Variants in NALCN observed in about 807,000 individuals in gnomAD.
NALCN encodes sodium leak channel, non-selective.
A neutral mutation model predicts 225.3 loss-of-function variants in NALCN; 111 were observed. The ratio of observed to expected loss-of-function variants is 0.49; its 90% CI spans 0.42 to 0.58. NALCN has a LOEUF of 0.58. NALCN is among the 20% of genes least tolerant of loss of function. NALCN has a pLI of 0.00. For synonymous variants in NALCN, 764 were observed against 769.0 expected, an observed-to-expected ratio of 0.99 and a Z score of 0.11; for missense variants, 1,378 against 2,202.4, an observed-to-expected ratio of 0.63 and a Z score of 7.49.
At chr13:101,254,370 CAAAA>C (rs66465051) in intron 11 of NALCN, among the ~76,000 whole-genome samples, 1 of 68,060 alleles carries the variant, frequency 1.5e-5, no homozygotes, top group Non-Finnish European at 2.5e-5. Context: ...GGGACTGTCT[CAAAA>C]AAAAAAAAAA....
chr13:101,074,676 G>A lies in NALCN; in HGVS notation c.3955-14C>T. The A allele has an allele frequency of 6.3e-6, 10 of 1,597,512 alleles. No homozygotes were observed. In the South Asian group the frequency reaches 9.1e-5, roughly 15 times the overall value. ...CTTTAGCGTTACCTGGGGACCAGGG[G>A]TGGGAAGCGGGGAGACAGAGAGAGA... On this transcript the variant is annotated splice_polypyrimidine_tract_variant and intron_variant, in intron 35 of 43. Coordinates refer to ENST00000251127, the MANE Select transcript of NALCN (RefSeq NM_052867.4).
chr13:101,240,594 T>C (rs1165305273), intron 11 of NALCN, among the ~76,000 whole-genome samples: 1 of 152,078 alleles, frequency 6.6e-6, no homozygotes, highest in African/African-American at 2.4e-5. Flanking sequence ...TATGAATGCA[T>C]TAGTTATAAA....
At chr13:101,255,681 T>C (rs1415433188) in intron 11 of NALCN, among the ~76,000 whole-genome samples, 1 of 152,194 alleles carries the variant, frequency 6.6e-6, no homozygotes, top group Non-Finnish European at 1.5e-5. Flanking sequence ...CCTCAGAGCC[T>C]TGAACTAATC....
At chr13:101,098,749 C>T (rs752373139) in intron 27 of NALCN, among the ~76,000 whole-genome samples, 1 of 152,048 alleles carries the variant, frequency 6.6e-6, no homozygotes. Flanking sequence ...GAACTTCAGC[C>T]GACGTCACCT....
At chr13:101,327,182 T>C (rs943661391) in intron 7 of NALCN, among the ~76,000 whole-genome samples, 2 of 152,126 alleles carry the variant, frequency 1.3e-5, no homozygotes, top group Non-Finnish European at 2.9e-5. Flanking sequence ...AATAATCCAC[T>C]AGAGAAAGTA....
chr13:101,211,826 A>G (rs1254942240), intron 13 of NALCN, among the ~76,000 whole-genome samples: 1 of 152,018 alleles, frequency 6.6e-6, no homozygotes, highest in Non-Finnish European at 1.5e-5. Flanking sequence ...AAAAAAATAT[A>G]AAATATCTCC....
chr13:101,082,681 A>G (rs1423114121), intron 33 of NALCN, 128 bp downstream of exon 33: 1 of 939,192 alleles, frequency 1.1e-6, no homozygotes, highest in Non-Finnish European at 1.7e-6. Context: ...TAAGTAGGAA[A>G]TATCCTAAGG....
At chr13:101,393,581 C>T (rs2047203041) in intron 3 of NALCN, among the ~76,000 whole-genome samples, 4 of 152,132 alleles carry the variant, frequency 2.6e-5, no homozygotes, top group Non-Finnish European at 5.9e-5. Flanking sequence ...AAGTGGGAGG[C>T]CGAGGCGGGC....
rs561259924 is a variant in NALCN, at chr13:101,355,695, G to A, written c.645-10275C>T. On this transcript the variant is annotated intron_variant, in intron 6 of 43. Transcript: ENST00000251127. ...ACTTGAACTCAGCTCTGGATCAAGTGGACCTAATGGACATCTATAGAACTC... is the reference window on the plus strand; with the variant it reads ...ACTTGAACTCAGCTCTGGATCAAGTAGACCTAATGGACATCTATAGAACTC... Among the ~76,000 whole-genome samples, 11 of 152,194 alleles carry A rather than the reference G, an allele frequency of 7.2e-5. No homozygotes were observed. The South Asian group carries it at 2.3e-3, about 32-fold the overall frequency.
Position 101,387,435 on chromosome 13 carries a change from A to G in NALCN, c.291+7748T>C, listed in dbSNP as rs550278627. ...TTTCATATTTGCACAACTCTGTTCC[A>G]AACAATGTGAAAACTTACTATGAAA... On this transcript the variant is annotated intron_variant, in intron 3 of 43. Coordinates refer to ENST00000251127, the MANE Select transcript of NALCN (RefSeq NM_052867.4). Among the ~76,000 whole-genome samples the G allele has an allele frequency of 1.1e-4, 17 of 152,306 alleles. No individual in the cohort carries two copies. The East Asian group carries it at 1.5e-3, about 14-fold the overall frequency.
intron 10 of NALCN, among the ~76,000 whole-genome samples, chr13:101,276,953 G>C (rs2042989500): frequency 6.6e-6 from 1 of 151,974 alleles, no homozygotes; most frequent in South Asian, 2.1e-4. Context: ...TTTTATGCCA[G>C]CAATGTTTCT....
At chr13:101,074,732 G>C (rs1469065051) in intron 35 of NALCN, 70 bp from the exon 36 acceptor site, 4 of 1,479,766 alleles carry the variant, frequency 2.7e-6, no homozygotes, top group African/African-American at 2.8e-5. Flanking sequence ...GAGAGAGAGA[G>C]AGAGAGAGAG....
chr13:101,305,604 C>A (rs924565571), intron 7 of NALCN, among the ~76,000 whole-genome samples: 1 of 152,178 alleles, frequency 6.6e-6, no homozygotes, highest in Non-Finnish European at 1.5e-5. Context: ...CTTATTTGCA[C>A]GACAAATTCA....
At chr13:101,163,196 C>G (rs954417864) in intron 15 of NALCN, among the ~76,000 whole-genome samples, 1 of 150,666 alleles carries the variant, frequency 6.6e-6, no homozygotes, top group South Asian at 2.1e-4. Flanking sequence ...AGTCACCATG[C>G]CTGGCCTATA....
chr13:101,264,225 TTC>T (rs1463432581), intron 10 of NALCN, among the ~76,000 whole-genome samples: 2 of 152,130 alleles, frequency 1.3e-5, no homozygotes, highest in East Asian at 3.8e-4. Context: ...TGTGTGCATA[TTC>T]TTTTTTATTT....
At position 101,290,523 on chromosome 13, in the gene NALCN, T is replaced by A. The variant is rs567424767; in HGVS notation, c.1047+1467A>T. Among the ~76,000 whole-genome samples, 17 of 152,328 alleles carry A rather than the reference T, an allele frequency of 1.1e-4. No individual in the cohort carries two copies. In the East Asian group the frequency reaches 3.3e-3, roughly 29 times the overall value. Reference sequence around the variant, plus strand: ...TTCTTGAAGGCTTTTCTACATGGCATTTCTGATATAACCTGGATAGCATAT... The same window carrying A: ...TTCTTGAAGGCTTTTCTACATGGCAATTCTGATATAACCTGGATAGCATAT... On this transcript the variant is annotated intron_variant, in intron 9 of 43. Transcript: ENST00000251127.
At chr13:101,267,205 G>A (rs575172135) in intron 10 of NALCN, among the ~76,000 whole-genome samples, 44 of 152,298 alleles carry the variant, frequency 2.9e-4, no homozygotes, top group African/African-American at 7.2e-4. Context: ...CTCTGTAAGA[G>A]TAAGGTTAGA....
intron 15 of NALCN, among the ~76,000 whole-genome samples, chr13:101,165,916 A>C (rs911013431): frequency 6.6e-6 from 1 of 152,198 alleles, no homozygotes; most frequent in Admixed American, 6.5e-5. Flanking sequence ...TCCCCTCCCT[A>C]GCCCCTGGCA....
chr13:101,143,111 G>T lies in NALCN; in HGVS notation c.2087C>A (p.Ala696Glu), dbSNP rs1279035880. Residue 696 changes from alanine (A) to glutamate (E), a missense_variant, in exon 17 of 44, where the codon GCA (alanine) becomes GAA (glutamate). Ala to Glu is a moderately radical substitution (Grantham distance 107, BLOSUM62 -1). Transcript: ENST00000251127. The part of the protein sequence containing the change: ...SSSCDHSKRS[A>E]IEDNKYIDQK... ...GTCGATGTATTTGTTGTCCTCAATT[G>T]CTGAGCGTTTGGAGTGGTCGCAGGA... 7.4e-6 allele frequency: 12 copies of T among 1,614,140 alleles called. No individual in the cohort carries two copies. The highest frequency in any genetic ancestry group is 1.0e-5 in the Non-Finnish European group (12 of 1,180,020).
Sources: allele counts gnomAD v4.1 joint callset (sites outside exome capture counted in the v4.1 genomes callset), GRCh38; gene constraint gnomAD v4.1.1; transcripts MANE v1.5; gene names NCBI Gene and HGNC (gene_info 2026-07-23, HGNC 2026-07-21).